Variants in PTPRN2 observed in about 807,000 individuals in gnomAD.
The protein encoded by PTPRN2 is receptor-type tyrosine-protein phosphatase N2.
In PTPRN2, 74 loss-of-function variants were observed where a neutral mutation model predicts 118.8. That is an observed-to-expected ratio of 0.62 (90% CI 0.52 to 0.76). PTPRN2 has a LOEUF of 0.76. PTPRN2 is among the 30% of genes least tolerant of loss of function. The pLI, the probability that PTPRN2 is intolerant of heterozygous loss-of-function variation, is 0.00. For synonymous variants in PTPRN2, 641 were observed against 608.0 expected, an observed-to-expected ratio of 1.05 and a Z score of -0.80; for missense variants, 1,481 against 1,394.4, an observed-to-expected ratio of 1.06 and a Z score of -0.99.
intron 12 of PTPRN2, among the ~76,000 whole-genome samples, chr7:157,783,619 C>T (rs1409820122): frequency 6.6e-6 from 1 of 151,362 alleles, no homozygotes; most frequent in African/African-American, 2.4e-5. Flanking sequence ...AAAAGTTCTG[C>T]AAAGAAAAGT....
In PTPRN2 at chr7:158,532,618, C is replaced by A. The variant is rs529771398; in HGVS notation, c.113-42833G>T. On this transcript the variant is annotated intron_variant, in intron 1 of 22. Coordinates refer to ENST00000389418, the MANE Select transcript of PTPRN2 (RefSeq NM_002847.5). Reference sequence around the variant, plus strand: ...ACATGGGTAAAAAGTAAGAAAAGACCAAAAACGTCACTAAACTTCAAAAAC... The same window carrying A: ...ACATGGGTAAAAAGTAAGAAAAGACAAAAAACGTCACTAAACTTCAAAAAC... 2,229 of 458,320 alleles carry A rather than the reference C, an allele frequency of 4.9e-3. 73 individuals carry two copies. The Admixed American group carries it at 0.052, about 11-fold the overall frequency. 28.4% of individuals were successfully genotyped at this position (458,320 alleles called of 1,614,324 possible). A position where few individuals can be genotyped will look rare whatever the true frequency, so the allele number is the denominator to read the frequency against.
At chr7:158,461,491 G>A (rs866380898) in intron 2 of PTPRN2, among the ~76,000 whole-genome samples, 14 of 111,266 alleles carry the variant, frequency 1.3e-4, no homozygotes, top group East Asian at 2.4e-4. Flanking sequence ...GCGAGACTCC[G>A]TCTCAAAAAA....
At position 158,081,291 on chromosome 7, in the gene PTPRN2, G is replaced by T. The variant is rs772991881; in HGVS notation, c.1723+7C>A. 1.2e-6 allele frequency: 2 copies of T among 1,612,776 alleles called. No individual in the cohort carries two copies. The highest frequency in any genetic ancestry group is 1.7e-6 in the Non-Finnish European group (2 of 1,178,858). ...GTGCGTGTACGTGTGTGTGGAAACA[G>T]CCTCACCTGTGGCCTTCTCCACATC... On this transcript the variant is annotated splice_region_variant and intron_variant, in intron 11 of 22. Coordinates refer to ENST00000389418, the MANE Select transcript of PTPRN2 (RefSeq NM_002847.5).
At chr7:157,660,643 A>C (rs73163848) in intron 13 of PTPRN2, among the ~76,000 whole-genome samples, 2 of 152,192 alleles carry the variant, frequency 1.3e-5, no homozygotes, top group Admixed American at 6.5e-5. Flanking sequence ...TCAAGCATTC[A>C]TGAGTAAGAG....
At chr7:158,228,982 C>T (rs1828996176) in intron 3 of PTPRN2, among the ~76,000 whole-genome samples, 1 of 152,136 alleles carries the variant, frequency 6.6e-6, no homozygotes, top group Non-Finnish European at 1.5e-5. Context: ...AGAGTGGCTG[C>T]TCACAGCACC....
At chr7:157,578,822 A>C (rs918304669) in intron 17 of PTPRN2, among the ~76,000 whole-genome samples, 144 of 152,262 alleles carry the variant, frequency 9.5e-4, no homozygotes, top group Non-Finnish European at 1.3e-3. Context: ...CTGTAAACCC[A>C]CATCTTAACA....
chr7:158,227,891 G>A (rs1263427100), intron 3 of PTPRN2, among the ~76,000 whole-genome samples: 1 of 152,232 alleles, frequency 6.6e-6, no homozygotes, highest in South Asian at 2.1e-4. Context: ...CAGTGGGGGT[G>A]CCTGTCCCAG....
chr7:157,833,403 G>A (rs568438684), intron 12 of PTPRN2, among the ~76,000 whole-genome samples: 214 of 149,276 alleles, frequency 1.4e-3, no homozygotes, highest in African/African-American at 4.9e-3. Context: ...CGTGGGGGGC[G>A]CCCATCCATC....
intron 11 of PTPRN2, among the ~76,000 whole-genome samples, chr7:158,066,580 C>T (rs772570598): frequency 5.3e-5 from 8 of 152,120 alleles, no homozygotes; most frequent in Non-Finnish European, 8.8e-5. Context: ...CAAAACCAGG[C>T]ACTGTAGAGA....
At chr7:157,789,895 GGTATGTGTGGTGCT>G (rs1804334927) in intron 12 of PTPRN2, among the ~76,000 whole-genome samples, 1 of 150,188 alleles carries the variant, frequency 6.7e-6, no homozygotes, top group South Asian at 2.2e-4. Context: ...GTATGTGTGT[GGTATGTGTGGTGCT>G]GTGTGTGTGG....
chr7:157,657,396 C>A (rs1486866873), intron 13 of PTPRN2, among the ~76,000 whole-genome samples: 1 of 138,852 alleles, frequency 7.2e-6, no homozygotes, highest in Non-Finnish European at 1.5e-5. Context: ...CACACACACA[C>A]CACACACATC....
intron 2 of PTPRN2, among the ~76,000 whole-genome samples, chr7:158,345,284 G>A (rs984573598): frequency 6.6e-6 from 1 of 152,176 alleles, no homozygotes; most frequent in Non-Finnish European, 1.5e-5. Context: ...CTGGCCAACG[G>A]GAAGACAGGT....
chr7:158,078,826 T>C (rs1422914935), intron 11 of PTPRN2, among the ~76,000 whole-genome samples: 1 of 152,212 alleles, frequency 6.6e-6, no homozygotes, highest in Non-Finnish European at 1.5e-5. Context: ...AATTCTTTTT[T>C]ATAATCTCTT....
At chr7:157,639,105 C>T (rs540055221) in intron 14 of PTPRN2, among the ~76,000 whole-genome samples, 4 of 149,830 alleles carry the variant, frequency 2.7e-5, no homozygotes, top group African/African-American at 7.4e-5. Flanking sequence ...GGTGTGATCT[C>T]GGCTCACTGC....
At chr7:157,924,577 GA>G (rs1798866001) in intron 11 of PTPRN2, among the ~76,000 whole-genome samples, 1 of 152,226 alleles carries the variant, frequency 6.6e-6, no homozygotes, top group African/African-American at 2.4e-5. Context: ...TCCCATTCTT[GA>G]GCTGGAAAAC....
At chr7:157,684,138 C>A (rs1325857671) in intron 12 of PTPRN2, among the ~76,000 whole-genome samples, 1 of 152,038 alleles carries the variant, frequency 6.6e-6, no homozygotes, top group African/African-American at 2.4e-5. Flanking sequence ...GCCACCAAAG[C>A]AATTATCGCC....
chr7:157,910,269 A>AGGACCACGCACGTACGCC (rs1263018812), intron 11 of PTPRN2, among the ~76,000 whole-genome samples: 48 of 148,932 alleles, frequency 3.2e-4, no homozygotes, highest in Admixed American at 5.3e-4. Context: ...GAACGGGTGC[A>AGGACCACGCACGTACGCC]GGACCACGCA....
At chr7:157,672,014 T>A (rs1329868538) in intron 13 of PTPRN2, among the ~76,000 whole-genome samples, 1 of 149,758 alleles carries the variant, frequency 6.7e-6, no homozygotes, top group East Asian at 2.0e-4. Flanking sequence ...AGTGTGAGGG[T>A]TTTTGGGGAG....
At position 158,228,013 on chromosome 7, in the gene PTPRN2, C is replaced by A. The variant is rs548386706; in HGVS notation, c.278-22740G>T. 2.0e-5 allele frequency among the ~76,000 whole-genome samples: 3 copies of A among 151,790 alleles called. No homozygotes were observed. The East Asian group carries it at 5.8e-4, about 29-fold the overall frequency. ...AGTAGTTAAGGCTTTACATGTATAT[C>A]AAATAGAAATGGAACCTATACATTC... On this transcript the variant is annotated intron_variant, in intron 3 of 22. Transcript: ENST00000389418.
Sources: allele counts gnomAD v4.1 joint callset (sites outside exome capture counted in the v4.1 genomes callset), GRCh38; gene constraint gnomAD v4.1.1; transcripts MANE v1.5; gene names NCBI Gene and HGNC (gene_info 2026-07-23, HGNC 2026-07-21).